Variants in SRFBP1 observed in about 807,000 individuals in gnomAD.
The protein encoded by SRFBP1 is serum response factor binding protein 1, also known as serum response factor-binding protein 1.
A neutral mutation model predicts 45.5 loss-of-function variants in SRFBP1; 47 were observed. That is an observed-to-expected ratio of 1.03 (90% CI 0.82 to 1.32). The LOEUF (loss-of-function observed/expected upper bound fraction) is 1.32. Ranked by LOEUF, SRFBP1 falls within the 40% of genes most tolerant of loss-of-function variation. The pLI is 0.00. For synonymous variants in SRFBP1, 203 were observed against 166.3 expected, an observed-to-expected ratio of 1.22 and a Z score of -1.70; for missense variants, 621 against 484.6, an observed-to-expected ratio of 1.28 and a Z score of -2.64.
intron 2 of SRFBP1, among the ~76,000 whole-genome samples, chr5:122,048,690 T>G (rs988037866): frequency 6.6e-6 from 1 of 152,188 alleles, no homozygotes; most frequent in Admixed American, 6.5e-5. Context: ...TTTTTTTGAT[T>G]GGTAAGCTAT....
intron 4 of SRFBP1, among the ~76,000 whole-genome samples, chr5:122,017,410 C>G (rs1753212865): frequency 6.6e-6 from 1 of 152,132 alleles, no homozygotes; most frequent in African/African-American, 2.4e-5. Flanking sequence ...TTCACGTAGT[C>G]TTTACTGTGT....
intron 1 of SRFBP1, among the ~76,000 whole-genome samples, chr5:121,972,176 C>T (rs980038270): frequency 6.6e-6 from 1 of 151,792 alleles, no homozygotes; most frequent in Non-Finnish European, 1.5e-5. Flanking sequence ...AGTAGAGGTT[C>T]TAGGAAGGCA....
At chr5:122,023,822 T>C (rs1466421833) in intron 7 of SRFBP1, among the ~76,000 whole-genome samples, 1 of 152,234 alleles carries the variant, frequency 6.6e-6, no homozygotes, top group Non-Finnish European at 1.5e-5. Context: ...TTCTGACCTC[T>C]GTTTCCTTCA....
intron 3 of SRFBP1, among the ~76,000 whole-genome samples, chr5:121,985,184 A>G (rs968268661): frequency 6.6e-6 from 1 of 151,870 alleles, no homozygotes; most frequent in Admixed American, 6.6e-5. Flanking sequence ...TGATAGGCAC[A>G]TTGGAGGAGG....
chr5:122,077,237 G>A (rs1327353114), downstream of SRFBP1: 3 of 1,514,904 alleles, frequency 2.0e-6, no homozygotes, highest in East Asian at 4.8e-5. The surrounding 1 kb of genome is among the most constrained non-coding windows in gnomAD (Gnocchi z 4.9). Context: ...GCAGGCGCGT[G>A]GGGGAGGGAT....
chr5:121,985,098 T>C (rs896847047), intron 3 of SRFBP1, among the ~76,000 whole-genome samples: 2 of 151,840 alleles, frequency 1.3e-5, no homozygotes, highest in Admixed American at 6.6e-5. Flanking sequence ...GAAATTAATA[T>C]GGTGTCTGCC....
intron 7 of SRFBP1, among the ~76,000 whole-genome samples, chr5:122,026,222 G>A (rs924957917): frequency 3.9e-5 from 6 of 152,118 alleles, no homozygotes; most frequent in African/African-American, 1.2e-4. Flanking sequence ...CCTAAGTTCT[G>A]TAAGCAACTA....
At chr5:121,983,506 CTG>C (rs2112827476) in intron 3 of SRFBP1, among the ~76,000 whole-genome samples, 1 of 151,774 alleles carries the variant, frequency 6.6e-6, no homozygotes, top group Non-Finnish European at 1.5e-5. Context: ...AAGTATTTCA[CTG>C]TGAGAGATAG....
chr5:122,067,390 T>A (rs1754327833), intron 2 of SRFBP1, among the ~76,000 whole-genome samples: 1 of 151,662 alleles, frequency 6.6e-6, no homozygotes, highest in Non-Finnish European at 1.5e-5. Flanking sequence ...GTGAGGAAAA[T>A]GAAGGAGAGA....
chr5:122,003,531 T>G (rs1327637511), intron 4 of SRFBP1, among the ~76,000 whole-genome samples: 1 of 152,174 alleles, frequency 6.6e-6, no homozygotes, highest in African/African-American at 2.4e-5. Flanking sequence ...ATATATGTCC[T>G]TAGCATACTG....
At chr5:122,001,546 C>CTTTTTTT (rs1166482651) in intron 4 of SRFBP1, among the ~76,000 whole-genome samples, 2 of 104,888 alleles carry the variant, frequency 1.9e-5, no homozygotes, top group African/African-American at 7.5e-5. Flanking sequence ...CCTTTGGTAT[C>CTTTTTTT]TTTTTTTTTT....
intron 7 of SRFBP1, 147 bp from the exon 8 acceptor site, chr5:122,026,793 CCT>C (rs1312768212): frequency 2.7e-5 from 14 of 519,476 alleles, no homozygotes; most frequent in South Asian, 7.6e-5. Flanking sequence ...CAAACTATTC[CCT>C]GTTAGACTTC....
chr5:122,018,402 A>G (rs1370523587), intron 4 of SRFBP1, among the ~76,000 whole-genome samples: 1 of 152,202 alleles, frequency 6.6e-6, no homozygotes, highest in African/African-American at 2.4e-5. Flanking sequence ...TATATTTTAC[A>G]TTTGGAACCA....
intron 4 of SRFBP1, among the ~76,000 whole-genome samples, chr5:121,995,328 T>G (rs1421503832): frequency 6.6e-6 from 1 of 152,126 alleles, no homozygotes; most frequent in Non-Finnish European, 1.5e-5. Context: ...CAGACTGCAG[T>G]GCAATCAAAC....
At chr5:121,979,646 T>C (rs1752368043) in intron 3 of SRFBP1, among the ~76,000 whole-genome samples, 1 of 152,142 alleles carries the variant, frequency 6.6e-6, no homozygotes. Flanking sequence ...GAATCAGCTT[T>C]AGTAATAATT....
At chr5:122,031,431 C>T (rs1753587045), downstream of SRFBP1, among the ~76,000 whole-genome samples, 1 of 152,264 alleles carries the variant, frequency 6.6e-6, no homozygotes, top group South Asian at 2.1e-4. Context: ...GCCCAGACTT[C>T]ACACTTACTC....
downstream of SRFBP1, chr5:122,078,248 C>T (rs1754700210): frequency 5.0e-6 from 2 of 396,790 alleles, no homozygotes; most frequent in Non-Finnish European, 8.8e-6. Context: ...TCCCGGAGAG[C>T]GGGCAGTGTC....
intron 2 of SRFBP1, among the ~76,000 whole-genome samples, chr5:122,037,147 C>T (rs1051401408): frequency 2.0e-5 from 3 of 152,288 alleles, no homozygotes; most frequent in African/African-American, 7.2e-5. Context: ...ATCCGCCCGC[C>T]TTGGCCTCCC....
chr5:122,012,810 A>T (rs2112698205), intron 4 of SRFBP1, among the ~76,000 whole-genome samples: 1 of 152,248 alleles, frequency 6.6e-6, no homozygotes, highest in East Asian at 1.9e-4. Flanking sequence ...TTAGTACTTG[A>T]ACATAACTTG....
Sources: allele counts gnomAD v4.1 joint callset (sites outside exome capture counted in the v4.1 genomes callset), GRCh38; gene constraint gnomAD v4.1.1; non-coding constraint Gnocchi (gnomAD v3.1); transcripts MANE v1.5; gene names NCBI Gene and HGNC (gene_info 2026-07-23, HGNC 2026-07-21).